NCKAP5: variants seen among roughly 807,000 people sequenced by gnomAD.
NCKAP5 encodes nck-associated protein 5.
A neutral mutation model predicts 167.0 loss-of-function variants in NCKAP5; 92 were observed. That is an observed-to-expected ratio of 0.55 (90% confidence interval 0.47 to 0.66). The LOEUF (loss-of-function observed/expected upper bound fraction) is 0.66, where lower values mean the gene tolerates loss of function less well. Ranked by LOEUF, NCKAP5 falls within the 30% of genes least tolerant of loss-of-function variation. NCKAP5 has a pLI of 0.00. For missense variants in NCKAP5, 2,378 were observed against 2,315.0 expected (o/e 1.03, Z -0.56); for synonymous variants, 891 against 877.4 (o/e 1.02, Z -0.27).
chr2:132,941,335 T>A (rs987829766), intron 8 of NCKAP5, among the ~76,000 whole-genome samples: 6 of 152,214 alleles, frequency 3.9e-5, no homozygotes, highest in Non-Finnish European at 8.8e-5. Flanking sequence ...TCTTCCCACA[T>A]TCATGGTCCA....
intron 16 of NCKAP5, among the ~76,000 whole-genome samples, chr2:132,757,579 A>G (rs1016078802): frequency 3.3e-5 from 5 of 152,180 alleles, no homozygotes; most frequent in Non-Finnish European, 7.3e-5. Flanking sequence ...CTCAATTTTC[A>G]TCTCCACAAT....
intron 11 of NCKAP5, among the ~76,000 whole-genome samples, chr2:132,818,529 A>G (rs905512667): frequency 2.0e-5 from 3 of 152,152 alleles, no homozygotes; most frequent in Non-Finnish European, 2.9e-5. Flanking sequence ...CACAAAAACA[A>G]AAACAAAAAT....
the NCKAP5 span, among the ~76,000 whole-genome samples, chr2:133,631,911 G>A: frequency 6.6e-6 from 1 of 152,222 alleles, no homozygotes; most frequent in Admixed American, 6.5e-5. Flanking sequence ...TGGGCTTAAA[G>A]TTGAACTTTA....
At chr2:133,617,731 A>C in the NCKAP5 span, among the ~76,000 whole-genome samples, 2 of 151,872 alleles carry the variant, frequency 1.3e-5, no homozygotes, top group African/African-American at 2.4e-5. Context: ...ATACTGCCCA[A>C]GGTAATTTAT....
At chr2:132,697,318 C>T (rs1400647797) in intron 19 of NCKAP5, among the ~76,000 whole-genome samples, 1 of 152,202 alleles carries the variant, frequency 6.6e-6, no homozygotes, top group Admixed American at 6.5e-5. Context: ...ATAAGTGCCA[C>T]TTGAGTTTAC....
chr2:132,711,252 A>T (rs1300085410), intron 19 of NCKAP5, among the ~76,000 whole-genome samples: 1 of 152,214 alleles, frequency 6.6e-6, no homozygotes, highest in Non-Finnish European at 1.5e-5. Flanking sequence ...TCTTGAAGGT[A>T]AAAGAAAAAT....
intron 3 of NCKAP5, among the ~76,000 whole-genome samples, chr2:133,313,273 T>C (rs1022650253): frequency 3.9e-5 from 6 of 152,206 alleles, no homozygotes; most frequent in African/African-American, 1.4e-4. Flanking sequence ...ATTCTACCAA[T>C]TGGGCATCTG....
At chr2:133,204,733 T>C (rs950240475) in intron 5 of NCKAP5, among the ~76,000 whole-genome samples, 1 of 152,222 alleles carries the variant, frequency 6.6e-6, no homozygotes, top group African/African-American at 2.4e-5. Flanking sequence ...ACTGACAATG[T>C]AGAATTTCCA....
intron 11 of NCKAP5, among the ~76,000 whole-genome samples, chr2:132,811,680 G>T (rs1361438772): frequency 6.6e-6 from 1 of 151,888 alleles, no homozygotes; most frequent in Non-Finnish European, 1.5e-5. Flanking sequence ...TTGAAAACTT[G>T]CCCCAGGCTA....
At chr2:133,243,244 C>A (rs1161118892) in intron 4 of NCKAP5, among the ~76,000 whole-genome samples, 2 of 152,074 alleles carry the variant, frequency 1.3e-5, no homozygotes, top group African/African-American at 4.8e-5. Context: ...CTAGAGAGAA[C>A]CTTTCCTGTA....
chr2:133,403,924 T>TGTGTGTGTGTGTG (rs1559456861), intron 3 of NCKAP5, among the ~76,000 whole-genome samples: 1 of 151,110 alleles, frequency 6.6e-6, no homozygotes, highest in African/African-American at 2.4e-5. Context: ...TGTAGGTGAG[T>TGTGTGTGTGTGTG]TTTCACCAGT....
At chr2:133,503,503 A>G (rs569544851) in intron 3 of NCKAP5, among the ~76,000 whole-genome samples, 1 of 152,292 alleles carries the variant, frequency 6.6e-6, no homozygotes, top group South Asian at 2.1e-4. Flanking sequence ...AGAGCTATAC[A>G]TAGTTTCTAT....
At chr2:133,566,581 T>C (rs1416325226) in intron 1 of NCKAP5, among the ~76,000 whole-genome samples, 1 of 152,234 alleles carries the variant, frequency 6.6e-6, no homozygotes, top group Non-Finnish European at 1.5e-5. Context: ...GCCCTGTTCC[T>C]ACAAGAAGGC....
At chr2:133,072,018 T>G (rs1475545497) in intron 6 of NCKAP5, among the ~76,000 whole-genome samples, 3 of 152,148 alleles carry the variant, frequency 2.0e-5, no homozygotes, top group Non-Finnish European at 2.9e-5. Context: ...GCTGGGCCCA[T>G]TCTTACAAGA....
chr2:133,612,936 G>A, the NCKAP5 span, among the ~76,000 whole-genome samples: 1 of 152,314 alleles, frequency 6.6e-6, no homozygotes, highest in Non-Finnish European at 1.5e-5. Context: ...GCATTGAGGA[G>A]AAATGGATGC....
At chr2:132,768,237 A>T (rs1463751696) in intron 16 of NCKAP5, among the ~76,000 whole-genome samples, 1 of 152,212 alleles carries the variant, frequency 6.6e-6, no homozygotes, top group Non-Finnish European at 1.5e-5. Context: ...TTCTGCTTCA[A>T]TAATATTCTT....
intron 3 of NCKAP5, among the ~76,000 whole-genome samples, chr2:133,393,747 G>A (rs2150998134): frequency 6.6e-6 from 1 of 152,312 alleles, no homozygotes; most frequent in African/African-American, 2.4e-5. Flanking sequence ...TGCCATGGGA[G>A]TCCTTTTGTT....
intron 3 of NCKAP5, among the ~76,000 whole-genome samples, chr2:133,345,019 G>A (rs1439295082): frequency 6.6e-6 from 1 of 152,130 alleles, no homozygotes; most frequent in African/African-American, 2.4e-5. Context: ...GAGAACCAAT[G>A]CCTTAGAGAA....
Position 133,166,932 on chromosome 2 carries a change from T to C in NCKAP5, c.208-36821A>G, listed in dbSNP as rs529641380. On this transcript the variant is annotated intron_variant, in intron 5 of 19. Transcript: ENST00000409261. Reference sequence around the variant, plus strand: ...GGTTTATGATCAGCAGGCTACATTCTAGATGACAGGATTACCTACTAATGT... The same window carrying C: ...GGTTTATGATCAGCAGGCTACATTCCAGATGACAGGATTACCTACTAATGT... Among the ~76,000 whole-genome samples, 134 of 152,354 alleles carry C rather than the reference T, an allele frequency of 8.8e-4. 1 individual carries two copies. The highest frequency in any genetic ancestry group is 2.9e-3 in the African/African-American group (119 of 41,594).
Sources: gnomAD v4.1 joint callset for allele counts (sites outside exome capture counted in the v4.1 genomes callset) on GRCh38, gnomAD v4.1.1 for gene constraint, MANE v1.5 for transcripts, NCBI Gene and HGNC (gene_info 2026-07-23, HGNC 2026-07-21) for gene names.